Variants in COL5A2 observed in about 807,000 individuals in gnomAD.
COL5A2 encodes collagen alpha-2(V) chain.
COL5A2 carries 23 observed loss-of-function variants against 208.2 expected under a neutral mutation model. The observed-to-expected ratio is 0.11, with a 90% CI of 0.08 to 0.16. The LOEUF is 0.16. COL5A2 is among the 10% of genes least tolerant of loss of function. The probability of loss-of-function intolerance (pLI) is 1.00; values close to 1 mark genes in which losing one functional copy is unlikely to be tolerated. For missense variants in COL5A2, 1,590 were observed against 1,956.4 expected (o/e 0.81, Z 3.53); for synonymous variants, 625 against 628.5 (o/e 0.99, Z 0.08).
the COL5A2 span, among the ~76,000 whole-genome samples, chr2:189,334,412 C>A: frequency 1.3e-5 from 2 of 151,918 alleles, no homozygotes; most frequent in South Asian, 4.1e-4. Context: ...TCAGAGTACA[C>A]AATCAGTATC....
intron 26 of COL5A2, 73 bp downstream of exon 26, chr2:189,063,907 A>C: frequency 6.6e-6 from 8 of 1,213,456 alleles, no homozygotes; most frequent in Non-Finnish European, 9.7e-6. Flanking sequence ...ACATTAACCT[A>C]AATAAATATC....
intron 1 of COL5A2, among the ~76,000 whole-genome samples, chr2:189,156,203 C>G (rs1253380109): frequency 6.6e-6 from 1 of 152,142 alleles, no homozygotes; most frequent in Non-Finnish European, 1.5e-5. Context: ...GCATGGACAT[C>G]TTTGGGGATG....
the COL5A2 span, among the ~76,000 whole-genome samples, chr2:189,406,949 T>C: frequency 1.1e-4 from 16 of 152,158 alleles, no homozygotes; most frequent in African/African-American, 2.9e-4. Flanking sequence ...AGAAACCTAA[T>C]TGGCTTGCCT....
At chr2:189,128,828 T>C (rs1687657514) in intron 1 of COL5A2, among the ~76,000 whole-genome samples, 1 of 152,018 alleles carries the variant, frequency 6.6e-6, no homozygotes. Flanking sequence ...TTCTGCTTCT[T>C]CCTTATAATA....
rs368165817 is a variant in COL5A2, at chr2:189,085,150, G to T, written c.798+10C>A. 1 of 1,610,104 alleles carries T rather than the reference G, an allele frequency of 6.2e-7. No homozygotes were observed. The highest frequency in any genetic ancestry group is 1.7e-5 in the Admixed American group (1 of 59,728). The stretch of plus-strand genomic sequence containing the variant: ...AAAACCTGAATGGAAAATGAGGAAA[G>T]GTAGCTTACATCTTCCCCAGGTTTA... On this transcript the variant is annotated intron_variant, in intron 11 of 53. Transcript: ENST00000374866.
At chr2:189,265,473 T>A in the COL5A2 span, among the ~76,000 whole-genome samples, 1 of 152,120 alleles carries the variant, frequency 6.6e-6, no homozygotes, top group Non-Finnish European at 1.5e-5. Context: ...GTGTGTTCTG[T>A]ATTCAAATTT....
Position 189,057,290 on chromosome 2 carries a change from GA to G in COL5A2, c.2337+29del, listed in dbSNP as rs34715449. The G allele has an allele frequency of 0.077, 53,492 of 693,054 alleles. 35 individuals are homozygous for G. The highest frequency in any genetic ancestry group is 0.12 in the Middle Eastern group (343 of 2,752). The allele number at this position is 693,054 out of a possible 1,614,324, so 42.9% of individuals were successfully genotyped here. ...AGCAGAAAGTCTGAATAAATGAACT[GA>G]AAAAAAAAAAAAAAAAAAAAGGACT... On this transcript the variant is annotated intron_variant, in intron 34 of 53. Transcript: ENST00000374866.
chr2:189,357,187 T>A, the COL5A2 span, among the ~76,000 whole-genome samples: 1 of 152,114 alleles, frequency 6.6e-6, no homozygotes, highest in Non-Finnish European at 1.5e-5. Flanking sequence ...CTGGGAGGTG[T>A]TTCCCAGTCA....
chr2:189,299,238 T>A, the COL5A2 span, among the ~76,000 whole-genome samples: 1 of 152,192 alleles, frequency 6.6e-6, no homozygotes, highest in Non-Finnish European at 1.5e-5. Flanking sequence ...TAGGTTTCAA[T>A]ATGCATATTC....
At chr2:189,185,532 GA>G (rs959393666) in intron 1 of COL5A2, among the ~76,000 whole-genome samples, 2 of 151,948 alleles carry the variant, frequency 1.3e-5, no homozygotes, top group African/African-American at 2.4e-5. Flanking sequence ...CAAAGAGCTA[GA>G]AAAAAAATGA....
intron 1 of COL5A2, among the ~76,000 whole-genome samples, chr2:189,211,387 A>G (rs1413636886): frequency 1.3e-5 from 2 of 152,198 alleles, no homozygotes; most frequent in Non-Finnish European, 2.9e-5. Flanking sequence ...AAACTTAAAA[A>G]CTTTTCTCAC....
chr2:189,395,492 T>C, the COL5A2 span, among the ~76,000 whole-genome samples: 8 of 152,126 alleles, frequency 5.3e-5, no homozygotes, highest in Admixed American at 2.0e-4. Context: ...GGATACCAGA[T>C]GAAACTTGAA....
In COL5A2 at chr2:189,058,836, T is replaced by C. The variant is rs947395010; in HGVS notation, c.2130+13A>G. On this transcript the variant is annotated intron_variant, in intron 32 of 53. Transcript: ENST00000374866. ...TGGGAAACAACATTAATCATGAAGATTAAAATACTTACTCTAGGTCCTAAC... is the reference window on the plus strand; with the variant it reads ...TGGGAAACAACATTAATCATGAAGACTAAAATACTTACTCTAGGTCCTAAC... 1.9e-6 allele frequency: 3 copies of C among 1,612,114 alleles called. No individual in the cohort carries two copies. Among genetic ancestry groups the C allele is most frequent in the South Asian group, 2.2e-5 (2 of 90,966 alleles).
At chr2:189,088,488 G>A (rs1686712556) in intron 8 of COL5A2, among the ~76,000 whole-genome samples, 2 of 152,052 alleles carry the variant, frequency 1.3e-5, no homozygotes, top group African/African-American at 4.8e-5. Context: ...ATTAATGTCA[G>A]CACTTTGCAT....
chr2:189,148,905 C>T (rs552168257), intron 1 of COL5A2, among the ~76,000 whole-genome samples: 10 of 152,164 alleles, frequency 6.6e-5, no homozygotes, highest in East Asian at 5.8e-4. Context: ...TTTGGGAGGC[C>T]GAGGCAGGTG....
In COL5A2 at chr2:189,063,169, C is replaced by T. The variant is rs1686072492; in HGVS notation, c.1869+3G>A. On this transcript the variant is annotated splice_donor_region_variant and intron_variant, in intron 27 of 53. Transcript: ENST00000374866. The stretch of plus-strand genomic sequence containing the variant: ...TGGCCAACATATTATACACTGTACT[C>T]ACACTGCTACCTTTGGGGCCTGGAA... 6.2e-7 allele frequency: 1 copy of T among 1,613,904 alleles called. No individual in the cohort carries two copies. Among genetic ancestry groups the T allele is most frequent in the South Asian group, 1.1e-5 (1 of 91,070 alleles).
chr2:189,278,953 C>T, the COL5A2 span, among the ~76,000 whole-genome samples: 1,002 of 151,980 alleles, frequency 6.6e-3, 12 homozygotes, highest in African/African-American at 0.022. Flanking sequence ...ATTTTGGTTA[C>T]ATTTCTTTAG....
intron 50 of COL5A2, among the ~76,000 whole-genome samples, chr2:189,039,818 C>A (rs1456046477): frequency 6.6e-6 from 1 of 151,864 alleles, no homozygotes. Flanking sequence ...GATCAAAGCA[C>A]AAAATATTTG....
chr2:189,204,827 T>C (rs1251446187), intron 1 of COL5A2, among the ~76,000 whole-genome samples: 2 of 152,176 alleles, frequency 1.3e-5, no homozygotes, highest in African/African-American at 4.8e-5. Flanking sequence ...ATGTCTTCTA[T>C]GGGCTTGGAA....
Sources: gnomAD v4.1 joint callset for allele counts (sites outside exome capture counted in the v4.1 genomes callset) on GRCh38, gnomAD v4.1.1 for gene constraint, MANE v1.5 for transcripts, NCBI Gene and HGNC (gene_info 2026-07-23, HGNC 2026-07-21) for gene names.